Variants in CFAP47 observed in about 807,000 individuals in gnomAD.
The protein encoded by CFAP47 is cilia and flagella associated protein 47, also known as cilia- and flagella-associated protein 47.
In CFAP47, 29 loss-of-function variants were observed where a neutral mutation model predicts 148.1. That is an observed-to-expected ratio of 0.20 (90% CI 0.15 to 0.27). The LOEUF (loss-of-function observed/expected upper bound fraction) is 0.27. Among genes scored for constraint, CFAP47 ranks in the 10% least tolerant of loss-of-function variants. The pLI is 1.00. For missense variants in CFAP47, 1,872 were observed against 1,697.5 expected (o/e 1.10, Z -1.81); for synonymous variants, 664 against 577.3 (o/e 1.15, Z -2.15).
intron 1 of CFAP47, among the ~76,000 whole-genome samples, chrX:35,924,377 A>G (rs758327165): frequency 9.4e-6 from 1 of 106,056 alleles, no homozygotes; most frequent in South Asian, 4.0e-4. Context: ...ATGTGCATAT[A>G]TGCACACATA....
chrX:36,302,813 G>A (rs922680049), intron 53 of CFAP47, among the ~76,000 whole-genome samples: 13 of 111,726 alleles, frequency 1.2e-4, no homozygotes, highest in African/African-American at 3.9e-4. Context: ...CTGTTATTAC[G>A]ACTAGACTGT....
At chrX:35,991,326 A>G (rs1286907417) in intron 16 of CFAP47, among the ~76,000 whole-genome samples, 2 of 110,914 alleles carry the variant, frequency 1.8e-5, no homozygotes, top group Admixed American at 1.9e-4. Flanking sequence ...ATGTAAGTAA[A>G]AATTAATCAT....
At chrX:36,200,845 C>T (rs931789209) in intron 43 of CFAP47, among the ~76,000 whole-genome samples, 3 of 111,544 alleles carry the variant, frequency 2.7e-5, no homozygotes, top group South Asian at 7.4e-4. Flanking sequence ...TTTACCCTGG[C>T]CCCCAGTTCT....
chrX:36,203,165 A>G (rs992624261), intron 44 of CFAP47, among the ~76,000 whole-genome samples: 6 of 111,593 alleles, frequency 5.4e-5, no homozygotes, highest in Non-Finnish European at 9.4e-5. Flanking sequence ...TACTTTCTTG[A>G]CTGCACCGTG....
At chrX:36,379,976 G>GA (rs782161903) in intron 63 of CFAP47, among the ~76,000 whole-genome samples, 43 of 104,748 alleles carry the variant, frequency 4.1e-4, no homozygotes, top group East Asian at 2.1e-3. Flanking sequence ...ATTTTGAATT[G>GA]AAAAAAAAAA....
At chrX:36,083,904 C>A (rs963033273) in intron 29 of CFAP47, among the ~76,000 whole-genome samples, 8 of 110,851 alleles carry the variant, frequency 7.2e-5, no homozygotes, top group African/African-American at 2.3e-4. Context: ...TTAATCAGTT[C>A]ATATTTGCCT....
rs2146669384 is a variant in CFAP47 at position 35,975,181 on chromosome X, G to C, written c.2289G>C (p.Val763=). ...PSVLNFGNIC[V]NSPNTHLLHV... is the part of the protein sequence containing the mutation. ...TCCTTAACTTTGGTAATATTTGTGT[G>C]AACTCTCCAAATACTCATCTACTTC... The change falls in exon 14 of 64, where the codon GTG becomes GTC. Residue 763 remains valine (V), a synonymous_variant. Transcript: ENST00000378653. 1.7e-6 allele frequency: 2 copies of C among 1,190,370 alleles called. No homozygotes were observed. The highest frequency in any genetic ancestry group is 6.0e-5 in the East Asian group (2 of 33,172).
intron 2 of CFAP47, among the ~76,000 whole-genome samples, chrX:35,936,600 T>G (rs1935916370): frequency 9.0e-6 from 1 of 110,639 alleles, no homozygotes; most frequent in African/African-American, 3.3e-5. Flanking sequence ...AATGCTAAAT[T>G]TTTTTTTCTG....
chrX:36,069,783 T>G (rs1419334301), intron 27 of CFAP47, among the ~76,000 whole-genome samples: 1 of 110,898 alleles, frequency 9.0e-6, no homozygotes, highest in African/African-American at 3.3e-5. Flanking sequence ...CCCACACACT[T>G]TGGTAGTGTG....
At chrX:36,314,921 G>T (rs1351617663) in intron 56 of CFAP47, among the ~76,000 whole-genome samples, 1 of 111,662 alleles carries the variant, frequency 9.0e-6, no homozygotes, top group Non-Finnish European at 1.9e-5. Context: ...ATATGGATGG[G>T]TTGGGGGAAA....
intron 39 of CFAP47, among the ~76,000 whole-genome samples, chrX:36,175,631 C>T (rs777853736): frequency 8.9e-6 from 1 of 112,227 alleles, no homozygotes; most frequent in African/African-American, 3.2e-5. Context: ...CAGTCAGGGA[C>T]CCACTTAAGG....
intron 50 of CFAP47, among the ~76,000 whole-genome samples, chrX:36,282,701 C>T (rs1416216529): frequency 9.9e-5 from 11 of 111,103 alleles, no homozygotes; most frequent in East Asian, 5.6e-4. Flanking sequence ...TTTAACCTTC[C>T]GAATAGGGAA....
chrX:36,340,417 T>G (rs189979191), intron 57 of CFAP47, among the ~76,000 whole-genome samples: 1 of 111,995 alleles, frequency 8.9e-6, no homozygotes, highest in Non-Finnish European at 1.9e-5. Context: ...CTGAGTGACT[T>G]AAATGAAATT....
At chrX:36,248,493 A>T (rs1373383886) in intron 48 of CFAP47, among the ~76,000 whole-genome samples, 1 of 71,119 alleles carries the variant, frequency 1.4e-5, no homozygotes, top group Non-Finnish European at 2.3e-5. Context: ...ATCACATATT[A>T]TATCACACAC....
chrX:36,050,193 A>T (rs1239184878), intron 26 of CFAP47, among the ~76,000 whole-genome samples: 1 of 111,550 alleles, frequency 9.0e-6, no homozygotes, highest in Non-Finnish European at 1.9e-5. Flanking sequence ...TGCTATAAAG[A>T]TAGCCAAAAA....
At chrX:36,148,186 G>A (rs1212167400) in intron 36 of CFAP47, among the ~76,000 whole-genome samples, 1 of 111,528 alleles carries the variant, frequency 9.0e-6, no homozygotes, top group Non-Finnish European at 1.9e-5. Context: ...AAACATATGG[G>A]TAAGGGGGGA....
At chrX:35,943,155 T>C (rs760717511) in intron 3 of CFAP47, among the ~76,000 whole-genome samples, 195 of 111,780 alleles carry the variant, frequency 1.7e-3, no homozygotes, top group South Asian at 0.016. Context: ...GCAAAATATA[T>C]ACGTGTTCAT....
chrX:35,956,990 T>C (rs1476237778), intron 8 of CFAP47, among the ~76,000 whole-genome samples: 2 of 110,421 alleles, frequency 1.8e-5, no homozygotes, highest in Non-Finnish European at 3.8e-5. Flanking sequence ...GGCAGGTGGA[T>C]CACAAGTCAA....
intron 40 of CFAP47, among the ~76,000 whole-genome samples, chrX:36,184,863 G>A (rs1555985364): frequency 9.1e-6 from 1 of 109,986 alleles, no homozygotes; most frequent in East Asian, 2.9e-4. Context: ...GACCTGGGAG[G>A]CGGAGGTTGC....
Sources: allele counts gnomAD v4.1 joint callset (sites outside exome capture counted in the v4.1 genomes callset), GRCh38; gene constraint gnomAD v4.1.1; transcripts MANE v1.5; gene names NCBI Gene and HGNC (gene_info 2026-07-23, HGNC 2026-07-21).